The following TET3 variants were observed in gnomAD, a reference collection of about 807,000 sequenced individuals.
TET3 encodes the protein methylcytosine dioxygenase TET3.
A neutral mutation model predicts 141.4 loss-of-function variants in TET3; 19 were observed. The observed-to-expected ratio is 0.13, with a 90% CI of 0.09 to 0.20. TET3 has a LOEUF of 0.20. Among genes scored for constraint, TET3 ranks in the 10% least tolerant of loss-of-function variants. The probability of loss-of-function intolerance (pLI) is 1.00; values close to 1 mark genes in which losing one functional copy is unlikely to be tolerated. For missense variants in TET3, 1,874 were observed against 2,356.9 expected (o/e 0.80, Z 4.24); for synonymous variants, 1,043 against 980.9 (o/e 1.06, Z -1.18).
chr2:74,096,777 AAAAG>A lies in TET3; in HGVS notation c.3268-2479_3268-2476del, dbSNP rs936843398. On this transcript the variant is annotated intron_variant, in intron 10 of 11. Coordinates refer to ENST00000409262, the MANE Select transcript of TET3 (RefSeq NM_001287491.2). ...GAGCAAAACTCTGTCTCAAAAAAAA[AAAAG>A]AAAGAAAGAAAGAAAGAAAAGCAGG... Among the ~76,000 whole-genome samples the A allele has an allele frequency of 1.6e-3, 233 of 145,320 alleles. 2 individuals carry two copies. The highest frequency in any genetic ancestry group is 2.8e-3 in the South Asian group (13 of 4,628).
At chr2:74,075,441 G>C (rs1040451085) in intron 5 of TET3, among the ~76,000 whole-genome samples, 8 of 140,128 alleles carry the variant, frequency 5.7e-5, no homozygotes, top group African/African-American at 2.1e-4. Flanking sequence ...CAATTTTCCT[G>C]TCTCAGTCTC....
At chr2:73,997,570 A>G (rs72905226) in intron 2 of TET3, among the ~76,000 whole-genome samples, 3,452 of 152,064 alleles carry the variant, frequency 0.023, 136 homozygotes, top group African/African-American at 0.078. Flanking sequence ...AGAGAGAGAC[A>G]CCTTCCTGGT....
At chr2:74,086,025 C>A (rs537576976) in intron 6 of TET3, among the ~76,000 whole-genome samples, 1 of 152,310 alleles carries the variant, frequency 6.6e-6, no homozygotes, top group East Asian at 1.9e-4. Flanking sequence ...CCCCGTCTTG[C>A]CCTTCTCCCG....
Position 74,108,012 on chromosome 2 carries a change from T to TAAATTTAATTTA in TET3, c.*5837_*5848dup, listed in dbSNP as rs1274952022. 6.5e-6 allele frequency: 1 copy of TAAATTTAATTTA among 153,718 alleles called. No individual in the cohort carries two copies. Among genetic ancestry groups the TAAATTTAATTTA allele is most frequent in the East Asian group, 1.9e-4 (1 of 5,208 alleles). The allele number at this position is 153,718 out of a possible 1,614,324, so 9.5% of individuals were successfully genotyped here. On this transcript the variant is annotated 3_prime_UTR_variant, in exon 12 of 12. Coordinates refer to ENST00000409262, the MANE Select transcript of TET3 (RefSeq NM_001287491.2). ...CCTCCCTTCTCCCTCAGTGTTTCAG[T>TAAATTTAATTTA]AAATTTAATTTAGGGTGCCTAGAAA...
rs751753413 is a variant in TET3 at position 74,089,942 on chromosome 2, C to T, written c.2934C>T (p.Ala978=). The part of the protein sequence containing the change: ...CQGKDPNTCG[A]SFSFGCSWSM... ...GCAAAGACCCCAACACCTGTGGTGC[C>T]TCCTTCTCCTTTGGTTGTTCCTGGA... The change falls in exon 8 of 12, where the codon GCC becomes GCT. Residue 978 remains alanine, a synonymous_variant. Coordinates refer to ENST00000409262, the MANE Select transcript of TET3 (RefSeq NM_001287491.2). 22 of 1,614,086 alleles carry T rather than the reference C, an allele frequency of 1.4e-5. No individual in the cohort carries two copies. The highest frequency in any genetic ancestry group is 1.9e-5 in the Non-Finnish European group (22 of 1,179,904).
At position 74,097,382 on chromosome 2, in the gene TET3, A is replaced by AT. The variant is rs1272497906; in HGVS notation, c.3268-1893dup. Among the ~76,000 whole-genome samples, 3 of 152,234 alleles carry AT rather than the reference A, an allele frequency of 2.0e-5. No individual in the cohort carries two copies. The East Asian group carries it at 5.8e-4, about 29-fold the overall frequency. ...TGATTTAAAAAATGACAAGTCGTAT[A>AT]TAGTAGTGGGCAAAAGTCATAAAAC... is the stretch of plus-strand genomic sequence containing the variant. On this transcript the variant is annotated intron_variant, in intron 10 of 11. Transcript: ENST00000409262.
Position 74,099,444 on chromosome 2 carries a change from C to G in TET3, c.3436C>G (p.Pro1146Ala). 1.2e-6 allele frequency: 2 copies of G among 1,613,930 alleles called. No individual in the cohort carries two copies. The highest frequency in any genetic ancestry group is 1.7e-6 in the Non-Finnish European group (2 of 1,179,876). Residue 1146 changes from proline (P) to alanine (A), a missense_variant, in exon 11 of 12, where the codon CCC (proline) becomes GCC (alanine). Physicochemically the swap from Pro to Ala is conservative, Grantham distance 27 (BLOSUM62 -1). Coordinates refer to ENST00000409262, the MANE Select transcript of TET3 (RefSeq NM_001287491.2). ...AGCCATCCAGGTGCTCACCGCCTTC[C>G]CCCGCGAGGTCCGACGCCTGCCCGA... ...SGAIQVLTAF[P>A]REVRRLPEPA...
chr2:74,082,880 G>A (rs1384706894), intron 6 of TET3, among the ~76,000 whole-genome samples: 2 of 152,156 alleles, frequency 1.3e-5, no homozygotes, highest in Admixed American at 6.5e-5. Context: ...TCAGGAGCCC[G>A]GAGCCGGTTC....
chr2:74,077,509 A>T (rs896459718), intron 5 of TET3, among the ~76,000 whole-genome samples: 1 of 152,244 alleles, frequency 6.6e-6, no homozygotes, highest in African/African-American at 2.4e-5. Context: ...GTTAATCTGA[A>T]TACTAGAAGG....
At chr2:74,027,447 C>A (rs555257868) in intron 3 of TET3, among the ~76,000 whole-genome samples, 10 of 151,662 alleles carry the variant, frequency 6.6e-5, no homozygotes, top group Non-Finnish European at 1.2e-4. Flanking sequence ...ATTGTGCAAC[C>A]AACACCACTC....
chr2:74,006,582 T>C lies in TET3; in HGVS notation c.360+3416T>C, dbSNP rs1296107196. On this transcript the variant is annotated intron_variant, in intron 3 of 11. Transcript: ENST00000409262. ...GGAGGGGCCTGGGCACTGGGCTCCC[T>C]CCAGCTGCAGATGGAGGTTTCTGCT... is the stretch of plus-strand genomic sequence containing the variant. Among the ~76,000 whole-genome samples, 4 of 152,182 alleles carry C rather than the reference T, an allele frequency of 2.6e-5. No individual in the cohort carries two copies. The East Asian group carries it at 7.7e-4, about 29-fold the overall frequency.
At chr2:74,072,098 C>T (rs1689239982) in intron 4 of TET3, among the ~76,000 whole-genome samples, 1 of 152,204 alleles carries the variant, frequency 6.6e-6, no homozygotes, top group Non-Finnish European at 1.5e-5. Context: ...TCCTACCCAG[C>T]CCCCAGCCTC....
chr2:73,984,679 A>G (rs1351149622), upstream of TET3, among the ~76,000 whole-genome samples: 1 of 151,552 alleles, frequency 6.6e-6, no homozygotes, highest in Non-Finnish European at 1.5e-5. This position sits in a 1 kb window ranked among gnomAD's most constrained non-coding sequence, Gnocchi z 5.6. Context: ...GGGAGGGCCG[A>G]CCGCGTGGGT....
intron 3 of TET3, among the ~76,000 whole-genome samples, chr2:74,012,208 C>A (rs1573685690): frequency 6.6e-6 from 1 of 152,180 alleles, no homozygotes; most frequent in Non-Finnish European, 1.5e-5. Flanking sequence ...GGATCCCACC[C>A]CTCCTTGGCC....
chr2:74,022,564 G>T (rs188125243), intron 3 of TET3, among the ~76,000 whole-genome samples: 27 of 150,898 alleles, frequency 1.8e-4, no homozygotes, highest in African/African-American at 6.6e-4. Context: ...GTAGTTAATC[G>T]GTTTATTATT....
At chr2:74,019,333 CTAGA>C (rs1255308981) in intron 3 of TET3, among the ~76,000 whole-genome samples, 1 of 152,204 alleles carries the variant, frequency 6.6e-6, no homozygotes, top group Non-Finnish European at 1.5e-5. Flanking sequence ...AAGTTTCTTC[CTAGA>C]TATGCTGTAG....
At chr2:74,109,487 A>G (rs1691650945), downstream of TET3, among the ~76,000 whole-genome samples, 1 of 152,224 alleles carries the variant, frequency 6.6e-6, no homozygotes, top group Non-Finnish European at 1.5e-5. Context: ...TGTTTTTAGT[A>G]TGGATACAGA....
chr2:74,115,774 G>C, the TET3 span, among the ~76,000 whole-genome samples: 1 of 152,048 alleles, frequency 6.6e-6, no homozygotes, highest in Non-Finnish European at 1.5e-5. Flanking sequence ...AGCATTTTGG[G>C]AGGTCAAGGT....
chr2:74,046,573 G>T lies in TET3; in HGVS notation c.656G>T (p.Arg219Leu). Reference protein sequence around the residue: ...AVSSYGALSTRLYETFNREMS... With the variant: ...AVSSYGALSTLLYETFNREMS... The stretch of plus-strand genomic sequence containing the variant: ...TCCTCTTATGGGGCCCTTAGCACCC[G>T]GCTCTATGAAACCTTCAACCGTGAG... Residue 219 changes from arginine (R) to leucine (L), a missense_variant, in exon 4 of 12, where the codon CGG becomes CTG. By Grantham distance (102) the Arg-to-Leu change is moderately radical (BLOSUM62 -2). Coordinates refer to ENST00000409262, the MANE Select transcript of TET3 (RefSeq NM_001287491.2). The surrounding 1 kb of genome is among the most constrained non-coding windows in gnomAD (Gnocchi z 4.3). 1 of 1,614,016 alleles carries T rather than the reference G, an allele frequency of 6.2e-7. No homozygotes were observed. The highest frequency in any genetic ancestry group is 2.2e-5 in the East Asian group (1 of 44,874).
Sources: allele counts gnomAD v4.1 joint callset (sites outside exome capture counted in the v4.1 genomes callset), GRCh38; gene constraint gnomAD v4.1.1; non-coding constraint Gnocchi (gnomAD v3.1); transcripts MANE v1.5; gene names NCBI Gene and HGNC (gene_info 2026-07-23, HGNC 2026-07-21).